The following SZRD1 variants were observed in gnomAD, a reference collection of about 807,000 sequenced individuals.
SZRD1 encodes the protein SUZ RNA-binding domain-containing.
Under a neutral mutation model 17.6 loss-of-function variants are expected in SZRD1, and 7 were observed. That is an observed-to-expected ratio of 0.40 (90% confidence interval 0.23 to 0.75). The LOEUF (loss-of-function observed/expected upper bound fraction) is 0.75, where lower values mean the gene tolerates loss of function less well. Ranked by LOEUF, SZRD1 falls within the 30% of genes least tolerant of loss-of-function variation. The pLI is 0.38. For missense variants in SZRD1, 178 were observed against 201.8 expected (o/e 0.88, Z 0.71); for synonymous variants, 77 against 77.9 (o/e 0.99, Z 0.06).
At chr1:16,389,281 G>C (rs1165111313) in intron 1 of SZRD1, among the ~76,000 whole-genome samples, 9 of 137,686 alleles carry the variant, frequency 6.5e-5, no homozygotes, top group South Asian at 2.3e-4. Context: ...GGGGGTGGGG[G>C]GGGGGCAGAG....
In SZRD1 at chr1:16,397,369, T is replaced by C. The variant is rs551748836; in HGVS notation, c.*2229T>C. On this transcript the variant is annotated 3_prime_UTR_variant, in exon 4 of 4. Transcript: ENST00000401088. The surrounding 1 kb of genome is among the most constrained non-coding windows in gnomAD (Gnocchi z 5.4). ...AGAAAGAAAACAGGAAACTGTATTG[T>C]GTCGGGGGAGGCGGGAGGGAGATGA... 6.6e-6 allele frequency: 1 copy of C among 152,402 alleles called. No homozygotes were observed. The highest frequency in any genetic ancestry group is 2.1e-4 in the South Asian group (1 of 4,830). 9.4% of individuals were successfully genotyped at this position (152,402 alleles called of 1,614,324 possible).
intron 1 of SZRD1, among the ~76,000 whole-genome samples, chr1:16,373,153 G>C (rs191813609): frequency 6.6e-6 from 1 of 152,016 alleles, no homozygotes; most frequent in Non-Finnish European, 1.5e-5. Flanking sequence ...AGGTATGTAG[G>C]GGCCAGATTG....
chr1:16,394,360 G>A (rs944321719), intron 3 of SZRD1, among the ~76,000 whole-genome samples: 2 of 152,168 alleles, frequency 1.3e-5, no homozygotes, highest in South Asian at 2.1e-4. Context: ...CCTCTGCTGA[G>A]CTCTTGATTC....
rs866794924 is a variant in SZRD1 at position 16,395,318 on chromosome 1, C to T, written c.*178C>T. 8 of 636,356 alleles carry T rather than the reference C, an allele frequency of 1.3e-5. No homozygotes were observed. The Middle Eastern group carries it at 2.0e-3, about 160-fold the overall frequency. 39.4% of individuals were successfully genotyped at this position (636,356 alleles called of 1,614,324 possible). ...CCTTGAACCCCATGCACTGTGACCTCCCCCCTTCTCCCCCTTCCCACTGTG... is the reference window on the plus strand; with the variant it reads ...CCTTGAACCCCATGCACTGTGACCTTCCCCCTTCTCCCCCTTCCCACTGTG... On this transcript the variant is annotated 3_prime_UTR_variant, in exon 4 of 4. Coordinates refer to ENST00000401088, the MANE Select transcript of SZRD1 (RefSeq NM_001114600.3).
chr1:16,385,266 CT>C lies in SZRD1; in HGVS notation c.52-6108del, dbSNP rs533676977. ...CTGAGGCACAGAGTGGGGAGGCCTG[CT>C]GTCCTTGGGGAGTGGGTAGCAGCAG... On this transcript the variant is annotated intron_variant, in intron 1 of 3. Transcript: ENST00000401088. Among the ~76,000 whole-genome samples, 63 of 152,256 alleles carry C rather than the reference CT, an allele frequency of 4.1e-4. No homozygotes were observed. In the South Asian group the frequency reaches 0.013, roughly 31 times the overall value.
chr1:16,373,435 C>T (rs1488535557), intron 1 of SZRD1, among the ~76,000 whole-genome samples: 1 of 149,852 alleles, frequency 6.7e-6, no homozygotes, highest in Non-Finnish European at 1.5e-5. Flanking sequence ...CAAAATTAGC[C>T]AGGTGTGGTG....
chr1:16,380,936 A>G (rs2083090228), intron 1 of SZRD1, among the ~76,000 whole-genome samples: 1 of 151,826 alleles, frequency 6.6e-6, no homozygotes, highest in Admixed American at 6.6e-5. Context: ...TTAAAGAAAA[A>G]AATAGCTGGG....
intron 1 of SZRD1, among the ~76,000 whole-genome samples, chr1:16,381,963 T>C (rs949540663): frequency 6.6e-6 from 1 of 151,892 alleles, no homozygotes; most frequent in African/African-American, 2.4e-5. Context: ...TTGAAGTGCG[T>C]TCTAGGCAGA....
At chr1:16,389,597 C>T (rs1304280657) in intron 1 of SZRD1, among the ~76,000 whole-genome samples, 1 of 151,904 alleles carries the variant, frequency 6.6e-6, no homozygotes, top group African/African-American at 2.4e-5. Context: ...AGGCGTGAGC[C>T]ACCGTGCCTG....
intron 1 of SZRD1, among the ~76,000 whole-genome samples, chr1:16,379,447 G>T (rs2083058463): frequency 6.6e-6 from 1 of 152,228 alleles, no homozygotes; most frequent in Non-Finnish European, 1.5e-5. Flanking sequence ...TAGTTGTGCA[G>T]TCAGAGGCAA....
At chr1:16,368,716 A>G (rs561708585) in intron 1 of SZRD1, among the ~76,000 whole-genome samples, 116 of 152,304 alleles carry the variant, frequency 7.6e-4, no homozygotes, top group Admixed American at 2.2e-3. Context: ...TTGTGCCAGA[A>G]AATGCAACAT....
At chr1:16,382,342 T>A (rs1189214546) in intron 1 of SZRD1, among the ~76,000 whole-genome samples, 1 of 147,252 alleles carries the variant, frequency 6.8e-6, no homozygotes, top group African/African-American at 2.5e-5. Context: ...TGCACGCCAC[T>A]GTGCCCAGCT....
intron 1 of SZRD1, among the ~76,000 whole-genome samples, chr1:16,384,375 CAAAA>C (rs58963543): frequency 1.4e-4 from 15 of 110,998 alleles, no homozygotes; most frequent in East Asian, 5.2e-4. Context: ...CCGTCTCCAC[CAAAA>C]AAAAAAAAAA....
At chr1:16,389,997 C>T (rs535936219) in intron 1 of SZRD1, among the ~76,000 whole-genome samples, 9 of 152,304 alleles carry the variant, frequency 5.9e-5, no homozygotes, top group Admixed American at 2.0e-4. Context: ...TTAGCATTTC[C>T]CCAATAGTGG....
chr1:16,395,767 C>T lies in SZRD1; in HGVS notation c.*627C>T, dbSNP rs921888565. The T allele has an allele frequency of 6.4e-6, 1 of 155,712 alleles. No homozygotes were observed. Among genetic ancestry groups the T allele is most frequent in the African/African-American group, 2.4e-5 (1 of 41,428 alleles). The allele number at this position is 155,712 out of a possible 1,614,324, so 9.6% of individuals were successfully genotyped here. On this transcript the variant is annotated 3_prime_UTR_variant, in exon 4 of 4. Coordinates refer to ENST00000401088, the MANE Select transcript of SZRD1 (RefSeq NM_001114600.3). ...TGGGAAATTCACTAGAAACATTAAC[C>T]AATAGGATTTTGGTGAGCTTAGCTT...
At chr1:16,387,540 G>A in intron 1 of SZRD1, 1 of 456,688 alleles carries the variant, frequency 2.2e-6, no homozygotes, top group Middle Eastern at 3.3e-4. Flanking sequence ...GCCGTCATTA[G>A]GCAGGGCAAG....
At chr1:16,369,951 T>C (rs1485720509) in intron 1 of SZRD1, among the ~76,000 whole-genome samples, 1 of 151,568 alleles carries the variant, frequency 6.6e-6, no homozygotes, top group Non-Finnish European at 1.5e-5. Flanking sequence ...ATTGACATCA[T>C]GAACACTTCT....
At chr1:16,388,128 T>TA (rs1469641235) in intron 1 of SZRD1, among the ~76,000 whole-genome samples, 251 of 152,286 alleles carry the variant, frequency 1.6e-3, no homozygotes, top group Admixed American at 2.7e-3. Context: ...TATATATATA[T>TA]TTTGAGACAG....
rs1306807051 is a variant in SZRD1 at position 16,395,423 on chromosome 1, C to G, written c.*283C>G. On this transcript the variant is annotated 3_prime_UTR_variant, in exon 4 of 4. Coordinates refer to ENST00000401088, the MANE Select transcript of SZRD1 (RefSeq NM_001114600.3). ...TTAGGGGAAGGTTGGGGGGACCCAG[C>G]AAGGACTCAGAGAGTCAGACAGTGC... is the stretch of plus-strand genomic sequence containing the variant. 2 of 451,146 alleles carry G rather than the reference C, an allele frequency of 4.4e-6. No individual in the cohort carries two copies. Among genetic ancestry groups the G allele is most frequent in the Non-Finnish European group, 8.2e-6 (2 of 242,958 alleles). The allele number at this position is 451,146 out of a possible 1,614,324, so 27.9% of individuals were successfully genotyped here.
Sources: gnomAD v4.1 joint callset for allele counts (sites outside exome capture counted in the v4.1 genomes callset) on GRCh38, gnomAD v4.1.1 for gene constraint, Gnocchi (gnomAD v3.1) non-coding constraint, MANE v1.5 for transcripts, NCBI Gene and HGNC (gene_info 2026-07-23, HGNC 2026-07-21) for gene names.